The following ATP10D variants were observed in gnomAD, a reference collection of about 807,000 sequenced individuals.
ATP10D encodes phospholipid-transporting ATPase VD.
ATP10D carries 89 observed loss-of-function variants against 144.8 expected under a neutral mutation model. That is an observed-to-expected ratio of 0.61 (90% confidence interval 0.52 to 0.73). The LOEUF (loss-of-function observed/expected upper bound fraction) is 0.73, where lower values mean the gene tolerates loss of function less well. ATP10D is among the 30% of genes least tolerant of loss of function. The probability of loss-of-function intolerance (pLI) is 0.00; values close to 1 mark genes in which losing one functional copy is unlikely to be tolerated. For synonymous variants in ATP10D, 571 were observed against 615.1 expected, an observed-to-expected ratio of 0.93 and a Z score of 1.06; for missense variants, 1,603 against 1,714.8, an observed-to-expected ratio of 0.93 and a Z score of 1.15.
At position 47,569,145 on chromosome 4, in the gene ATP10D, T is replaced by A. The variant is rs1719813001; in HGVS notation, c.3162T>A (p.Ile1054=). ...ATCTCCAGGTGATGACCCTTGCTAT[T>A]GGTGAGTGAGGATGAATCTGAGTCC... The part of the protein sequence containing the change: ...RSHLQVMTLA[I]GDGANDVSMI... Residue 1054 remains isoleucine (I), a splice_region_variant and synonymous_variant, in exon 16 of 23, where the codon ATT becomes ATA. Coordinates refer to ENST00000273859, the MANE Select transcript of ATP10D (RefSeq NM_020453.4). 2 of 1,611,406 alleles carry A rather than the reference T, an allele frequency of 1.2e-6. No individual in the cohort carries two copies. The highest frequency in any genetic ancestry group is 2.2e-5 in the South Asian group (2 of 91,022).
chr4:47,590,999 A>T, intron 22 of ATP10D, 43 bp from the exon 23 acceptor site: 2 of 1,305,066 alleles, frequency 1.5e-6, no homozygotes, highest in Non-Finnish European at 2.1e-6. Context: ...TCTGTAATGC[A>T]TTTGAGATGA....
At chr4:47,577,773 T>C (rs1245445501) in intron 19 of ATP10D, among the ~76,000 whole-genome samples, 3 of 152,214 alleles carry the variant, frequency 2.0e-5, no homozygotes, top group Admixed American at 6.5e-5. Flanking sequence ...GGGGTCCTTA[T>C]AATCCTCTAA....
At chr4:47,563,851 AAAAAC>A in intron 15 of ATP10D, 86 bp downstream of exon 15, 1 of 1,277,042 alleles carries the variant, frequency 7.8e-7, no homozygotes, top group Non-Finnish European at 1.0e-6. Context: ...GGATTAAAAA[AAAAAC>A]AAAACAGCAA....
chr4:47,542,694 G>A (rs1370943828), intron 9 of ATP10D, among the ~76,000 whole-genome samples: 9 of 151,980 alleles, frequency 5.9e-5, no homozygotes, highest in Non-Finnish European at 1.3e-4. Context: ...GGCCAGGCTG[G>A]TCTCAAACTC....
intron 5 of ATP10D, among the ~76,000 whole-genome samples, chr4:47,531,914 A>G (rs1387466737): frequency 6.6e-6 from 1 of 152,140 alleles, no homozygotes; most frequent in Non-Finnish European, 1.5e-5. Flanking sequence ...AAGGAACTCT[A>G]GTCTACACTC....
At chr4:47,515,038 G>T (rs1455315358) in intron 2 of ATP10D, among the ~76,000 whole-genome samples, 1 of 152,050 alleles carries the variant, frequency 6.6e-6, no homozygotes, top group Non-Finnish European at 1.5e-5. Context: ...CCGGCTCACT[G>T]CAGCCTCCGA....
At chr4:47,550,022 T>C (rs902124291) in intron 10 of ATP10D, among the ~76,000 whole-genome samples, 7 of 151,622 alleles carry the variant, frequency 4.6e-5, no homozygotes, top group Non-Finnish European at 7.4e-5. Context: ...ATAGAAGATA[T>C]TTGCGTCCAC....
chr4:47,585,004 A>G (rs1364118282), intron 21 of ATP10D, among the ~76,000 whole-genome samples: 1 of 152,230 alleles, frequency 6.6e-6, no homozygotes, highest in Non-Finnish European at 1.5e-5. Context: ...TTCCCTAAAA[A>G]GCATGATATG....
At chr4:47,573,768 T>G (rs28509198) in intron 18 of ATP10D, among the ~76,000 whole-genome samples, 24,353 of 152,142 alleles carry the variant, frequency 0.16, 2,074 homozygotes, top group Non-Finnish European at 0.19. Context: ...GTAGTAGACA[T>G]GGGTTGATGT....
At chr4:47,530,474 T>A (rs57123159) in intron 5 of ATP10D, among the ~76,000 whole-genome samples, 271 of 150,672 alleles carry the variant, frequency 1.8e-3, no homozygotes, top group African/African-American at 6.4e-3. Flanking sequence ...TTGTTTGTTT[T>A]TCGAGACAGT....
At chr4:47,502,203 G>T (rs1490093842) in intron 1 of ATP10D, among the ~76,000 whole-genome samples, 1 of 152,152 alleles carries the variant, frequency 6.6e-6, no homozygotes, top group Non-Finnish European at 1.5e-5. Flanking sequence ...GACTGGGCGC[G>T]GTGGTTTGTG....
intron 9 of ATP10D, among the ~76,000 whole-genome samples, chr4:47,541,778 A>G (rs554106391): frequency 6.6e-6 from 1 of 152,160 alleles, no homozygotes; most frequent in Non-Finnish European, 1.5e-5. Context: ...GTAACAGGCT[A>G]TAGGAAGATT....
intron 16 of ATP10D, among the ~76,000 whole-genome samples, chr4:47,570,794 T>A (rs143048762): frequency 2.9e-5 from 4 of 140,306 alleles, no homozygotes; most frequent in African/African-American, 8.0e-5. Context: ...CAGAGCAAGA[T>A]TCTGTCTCAA....
At chr4:47,505,329 T>C (rs1021038603) in intron 1 of ATP10D, among the ~76,000 whole-genome samples, 1 of 152,196 alleles carries the variant, frequency 6.6e-6, no homozygotes, top group African/African-American at 2.4e-5. Context: ...ATTCTCAGGG[T>C]GTGGTCCCCA....
At chr4:47,573,096 C>T in intron 18 of ATP10D, 99 bp downstream of exon 18, 1 of 1,408,972 alleles carries the variant, frequency 7.1e-7, no homozygotes, top group South Asian at 1.3e-5. Flanking sequence ...GCTCACTTTC[C>T]TTATTGATGT....
chr4:47,526,718 G>A (rs1252133898), intron 5 of ATP10D, among the ~76,000 whole-genome samples: 1 of 152,114 alleles, frequency 6.6e-6, no homozygotes, highest in Non-Finnish European at 1.5e-5. Flanking sequence ...ATTTTAATAT[G>A]CTAATAATTA....
intron 9 of ATP10D, among the ~76,000 whole-genome samples, chr4:47,545,083 C>T (rs1375822217): frequency 2.0e-5 from 3 of 152,196 alleles, no homozygotes; most frequent in Admixed American, 2.0e-4. Flanking sequence ...CAAGGCCTCT[C>T]TAAGTGGGAC....
intron 1 of ATP10D, among the ~76,000 whole-genome samples, chr4:47,505,388 C>A (rs1027831188): frequency 6.6e-6 from 1 of 152,206 alleles, no homozygotes; most frequent in South Asian, 2.1e-4. Context: ...CATGCAGACT[C>A]CTGAGCCCCA....
chr4:47,563,793 T>C, intron 15 of ATP10D, 28 bp downstream of exon 15: 1 of 1,490,592 alleles, frequency 6.7e-7, no homozygotes, highest in East Asian at 2.4e-5. Context: ...AAATCTGTTC[T>C]TCTGTATTTT....
Sources: gnomAD v4.1 joint callset for allele counts (sites outside exome capture counted in the v4.1 genomes callset) on GRCh38, gnomAD v4.1.1 for gene constraint, MANE v1.5 for transcripts, NCBI Gene and HGNC (gene_info 2026-07-23, HGNC 2026-07-21) for gene names.